ZNF17: variants seen among roughly 807,000 people sequenced by gnomAD.
ZNF17 encodes the protein zinc finger protein 17.
ZNF17 carries 4 observed loss-of-function variants against 7.7 expected under a neutral mutation model. The ratio of observed to expected loss-of-function variants is 0.52; its 90% confidence interval spans 0.26 to 1.20. The LOEUF (loss-of-function observed/expected upper bound fraction) is 1.20, where lower values mean the gene tolerates loss of function less well. Ranked by LOEUF, ZNF17 falls within the 50% of genes most tolerant of loss-of-function variation. The probability of loss-of-function intolerance (pLI) is 0.14; values close to 1 mark genes in which losing one functional copy is unlikely to be tolerated. For synonymous variants in ZNF17, 249 were observed against 258.8 expected (o/e 0.96, Z 0.36); for missense variants, 738 against 799.5 (o/e 0.92, Z 0.93).
At chr19:57,414,853 G>A (rs556410952) in intron 2 of ZNF17, among the ~76,000 whole-genome samples, 1 of 152,208 alleles carries the variant, frequency 6.6e-6, no homozygotes, top group South Asian at 2.1e-4. Context: ...TGGGATTACA[G>A]GCACCTGCCA....
chr19:57,417,724 G>T (rs527867189), intron 2 of ZNF17, among the ~76,000 whole-genome samples, 188 bp from the exon 3 acceptor site: 12 of 151,826 alleles, frequency 7.9e-5, no homozygotes, highest in South Asian at 4.2e-4. Flanking sequence ...GCACGCGCCT[G>T]TAATCCCAGC....
intron 2 of ZNF17, among the ~76,000 whole-genome samples, chr19:57,415,590 G>A (rs544213059): frequency 1.3e-5 from 2 of 152,160 alleles, no homozygotes; most frequent in East Asian, 3.9e-4. Flanking sequence ...GGAAGGAAGG[G>A]GCTGAGGACT....
Position 57,420,279 on chromosome 19 carries a change from C to T in ZNF17, c.793C>T (p.Gln265Ter), listed in dbSNP as rs772136942. The change falls in exon 4 of 4, where the codon CAA becomes TAA. Residue 265 changes from glutamine to a stop codon, truncating the protein, a stop_gained. Coordinates refer to ENST00000307658, the MANE Select transcript of ZNF17 (RefSeq NM_001330617.2). LOFTEE classifies it low-confidence loss of function (END_TRUNC). ...KAFSLKYNVV[Q>*]HQKIHTGERP... ...CTTCAGCCTCAAATACAATGTTGTT[C>T]AACACCAGAAAATTCACACTGGAGA... is the stretch of plus-strand genomic sequence containing the variant. The T allele has an allele frequency of 9.9e-6, 16 of 1,613,910 alleles. No homozygotes were observed. The highest frequency in any genetic ancestry group is 1.3e-5 in the Non-Finnish European group (15 of 1,179,950).
At chr19:57,419,198 TTCCC>T (rs1266964980) in intron 3 of ZNF17, 1 of 160,324 alleles carries the variant, frequency 6.2e-6, no homozygotes, top group African/African-American at 2.4e-5. Flanking sequence ...CCTTTTACTG[TTCCC>T]TTTGTAGTGC....
Position 57,421,185 on chromosome 19 carries a change from C to T in ZNF17, c.1699C>T (p.Gln567Ter). The T allele has an allele frequency of 6.2e-7, 1 of 1,614,054 alleles. No individual in the cohort carries two copies. Residue 567 changes from glutamine (Q) to a stop codon, truncating the protein, a stop_gained, in exon 4 of 4, where the codon CAA becomes TAA. Transcript: ENST00000307658. LOFTEE classifies it low-confidence loss of function (END_TRUNC). The stretch of plus-strand genomic sequence containing the variant: ...CACTGAGTGTGGGAGAGTTTTTAGC[C>T]AAAATTCCCACCTCATTCGGCACCA... ...ECTECGRVFS[Q>*]NSHLIRHQKV...
intron 1 of ZNF17, among the ~76,000 whole-genome samples, chr19:57,413,042 T>C (rs538251388): frequency 4.6e-5 from 7 of 152,230 alleles, no homozygotes; most frequent in African/African-American, 1.7e-4. Flanking sequence ...CATGCCCATC[T>C]AATTTTTGTA....
intron 2 of ZNF17, among the ~76,000 whole-genome samples, chr19:57,414,467 T>C (rs1286557309): frequency 6.6e-6 from 1 of 152,006 alleles, no homozygotes; most frequent in Admixed American, 6.6e-5. Context: ...TCCAAGTAGC[T>C]GGGATTACAG....
intron 3 of ZNF17, 41 bp downstream of exon 3, chr19:57,418,079 A>G (rs768393388): frequency 1.3e-6 from 2 of 1,583,680 alleles, no homozygotes; most frequent in Non-Finnish European, 1.7e-6. Context: ...GTGCTGGGCA[A>G]TGTTTTTTCA....
chr19:57,411,606 G>A, intron 1 of ZNF17, 200 bp downstream of exon 1: 1 of 1,399,716 alleles, frequency 7.1e-7, no homozygotes, highest in African/African-American at 1.4e-5. Flanking sequence ...CTGCAGAGCG[G>A]GCGGCACTGG....
At position 57,421,235 on chromosome 19, in the gene ZNF17, T is replaced by G; in HGVS notation, c.1749T>G (p.Thr583=). ...AAAAAGTTCACACTAGGGAAAGAACTTACAAATGCAGCAAATGTGGGAAAT... is the reference window on the plus strand; with the variant it reads ...AAAAAGTTCACACTAGGGAAAGAACGTACAAATGCAGCAAATGTGGGAAAT... ...RHQKVHTRER[T]YKCSKCGKFF... Residue 583 remains threonine (T), a synonymous_variant, in exon 4 of 4, where the codon ACT becomes ACG. Coordinates refer to ENST00000307658, the MANE Select transcript of ZNF17 (RefSeq NM_001330617.2). The G allele has an allele frequency of 6.2e-7, 1 of 1,614,080 alleles. No individual in the cohort carries two copies. The highest frequency in any genetic ancestry group is 8.5e-7 in the Non-Finnish European group (1 of 1,180,020).
intron 1 of ZNF17, among the ~76,000 whole-genome samples, chr19:57,412,929 G>T (rs2088787800): frequency 6.6e-6 from 1 of 151,382 alleles, no homozygotes; most frequent in Non-Finnish European, 1.5e-5. Context: ...CCAGGCTGGA[G>T]TGCAGTGGCG....
rs1600093079 is a variant in ZNF17, at chr19:57,413,639, G to C, written c.21+3G>C. 6.5e-7 allele frequency: 1 copy of C among 1,536,144 alleles called. No homozygotes were observed. The highest frequency in any genetic ancestry group is 2.4e-5 in the East Asian group (1 of 40,918). On this transcript the variant is annotated splice_donor_region_variant and intron_variant, in intron 2 of 3. Coordinates refer to ENST00000307658, the MANE Select transcript of ZNF17 (RefSeq NM_001330617.2). ...CAATGCTTATGGATGCTGGACAGGT[G>C]AGTGGAGAGTGTTTCCAGCTTTCAC...
intron 2 of ZNF17, among the ~76,000 whole-genome samples, chr19:57,415,185 G>T (rs998948610): frequency 1.3e-5 from 2 of 152,142 alleles, no homozygotes; most frequent in Admixed American, 6.6e-5. Flanking sequence ...GGCTTCTGTA[G>T]GTTTTGATCT....
chr19:57,420,914 A>G lies in ZNF17; in HGVS notation c.1428A>G (p.Glu476=), dbSNP rs1464922633. Residue 476 remains glutamate (E), a synonymous_variant, in exon 4 of 4, where the codon GAA becomes GAG. Coordinates refer to ENST00000307658, the MANE Select transcript of ZNF17 (RefSeq NM_001330617.2). ...GAGAGAGGCCTTATGAATGCAGTGA[A>G]TGTGGCAAATTCTTTGTGGACAGCT... The part of the protein sequence containing the change: ...HSGERPYECS[E]CGKFFVDSCT... The G allele has an allele frequency of 6.2e-7, 1 of 1,614,146 alleles. No individual in the cohort carries two copies. Among genetic ancestry groups the G allele is most frequent in the South Asian group, 1.1e-5 (1 of 91,084 alleles).
chr19:57,417,146 T>G (rs539959413), intron 2 of ZNF17, among the ~76,000 whole-genome samples: 1 of 152,326 alleles, frequency 6.6e-6, no homozygotes, highest in South Asian at 2.1e-4. Flanking sequence ...GAAATGATTT[T>G]TATTCCTTTC....
intron 1 of ZNF17, 104 bp from the exon 2 acceptor site, chr19:57,413,492 C>T: frequency 1.6e-6 from 2 of 1,247,256 alleles, no homozygotes; most frequent in Non-Finnish European, 2.3e-6. Context: ...ACTGTGTACC[C>T]TCAGATAACT....
intron 1 of ZNF17, among the ~76,000 whole-genome samples, chr19:57,412,966 C>T (rs2088788013): frequency 6.6e-6 from 1 of 151,774 alleles, no homozygotes; most frequent in Non-Finnish European, 1.5e-5. Flanking sequence ...CAACCTCTGC[C>T]TCCCGGGTTC....
At position 57,411,771 on chromosome 19, in the gene ZNF17, G is replaced by C. The variant is rs915355311; in HGVS notation, c.-21+365G>C. Reference sequence around the variant, plus strand: ...TTGGGAAAAACAGGATGTTAAACCAGGACAAGGGGACCGCTGAGGAGACCC... The same window carrying C: ...TTGGGAAAAACAGGATGTTAAACCACGACAAGGGGACCGCTGAGGAGACCC... On this transcript the variant is annotated intron_variant, in intron 1 of 3. Transcript: ENST00000307658. 3 of 826,240 alleles carry C rather than the reference G, an allele frequency of 3.6e-6. No homozygotes were observed. In the African/African-American group the frequency reaches 5.3e-5, roughly 15 times the overall value. The allele number at this position is 826,240 out of a possible 1,614,324, so 51.2% of individuals were successfully genotyped here.
At chr19:57,419,599 A>G in intron 3 of ZNF17, 36 bp from the exon 4 acceptor site, 2 of 1,573,604 alleles carry the variant, frequency 1.3e-6, no homozygotes, top group East Asian at 2.3e-5. Context: ...CTTCCCTCCA[A>G]AGTCATCATG....
Sources: gnomAD v4.1 joint callset for allele counts (sites outside exome capture counted in the v4.1 genomes callset) on GRCh38, gnomAD v4.1.1 for gene constraint, MANE v1.5 for transcripts, NCBI Gene and HGNC (gene_info 2026-07-23, HGNC 2026-07-21) for gene names.